Variants in KLHL29 observed in about 807,000 individuals in gnomAD.
KLHL29 encodes the protein kelch like family member 29.
Under a neutral mutation model 80.4 loss-of-function variants are expected in KLHL29, and 21 were observed. That is an observed-to-expected ratio of 0.26 (90% CI 0.19 to 0.38). The LOEUF is 0.38. KLHL29 is among the 10% of genes least tolerant of loss of function. The probability of loss-of-function intolerance (pLI) is 1.00; values close to 1 mark genes in which losing one functional copy is unlikely to be tolerated. For synonymous variants in KLHL29, 511 were observed against 526.8 expected, an observed-to-expected ratio of 0.97 and a Z score of 0.41; for missense variants, 867 against 1,223.9, an observed-to-expected ratio of 0.71 and a Z score of 4.35.
chr2:23,697,389 G>T (rs1205073084), intron 11 of KLHL29: 1 of 152,244 alleles, frequency 6.6e-6, no homozygotes. Flanking sequence ...GTGCCTGGAG[G>T]GTAACCCGTC....
chr2:23,679,393 G>A (rs1478548416), intron 5 of KLHL29, among the ~76,000 whole-genome samples: 1 of 152,188 alleles, frequency 6.6e-6, no homozygotes, highest in Non-Finnish European at 1.5e-5. Flanking sequence ...GGCTAGCCCA[G>A]GCTTGTTCCT....
chr2:23,549,749 C>T (rs778466846), intron 2 of KLHL29, among the ~76,000 whole-genome samples: 6 of 152,146 alleles, frequency 3.9e-5, no homozygotes, highest in Non-Finnish European at 7.3e-5. Flanking sequence ...ACCTCTAGTT[C>T]CCAAAGCCAA....
intron 3 of KLHL29, among the ~76,000 whole-genome samples, chr2:23,571,212 T>G (rs1312630557): frequency 6.6e-6 from 1 of 152,204 alleles, no homozygotes; most frequent in African/African-American, 2.4e-5. Flanking sequence ...AAAGTATCCC[T>G]ACTTCAGGTT....
intron 1 of KLHL29, among the ~76,000 whole-genome samples, chr2:23,461,720 T>TGG (rs951101183): frequency 4.7e-5 from 2 of 42,910 alleles, no homozygotes; most frequent in Non-Finnish European, 9.5e-5. Context: ...TTATCTTTGC[T>TGG]GGGGGGGCAG....
In KLHL29 at chr2:23,389,001, TTTTTTTTTA is replaced by T. The variant is rs1276363522; in HGVS notation, c.-154+3222_-154+3230del. On this transcript the variant is annotated intron_variant, in intron 1 of 13. Coordinates refer to ENST00000486442, the MANE Select transcript of KLHL29 (RefSeq NM_052920.2). ...TTTCTTTCTTCTTCTTTTTTTTTTT[TTTTTTTTTA>T]AAATCCCAGTACTGTTATGGCTTAG... 1.1e-3 allele frequency among the ~76,000 whole-genome samples: 123 copies of T among 107,038 alleles called. 1 individual carries two copies. Among genetic ancestry groups the T allele is most frequent in the Non-Finnish European group, 1.6e-3 (70 of 43,634 alleles). 70.2% of individuals were successfully genotyped at this position (107,038 alleles called of 152,430 possible). A position where few individuals can be genotyped will look rare whatever the true frequency, so the allele number is the denominator to read the frequency against.
intron 2 of KLHL29, among the ~76,000 whole-genome samples, chr2:23,525,726 G>GCCCCCCCCCCC (rs746729913): frequency 3.2e-5 from 2 of 62,586 alleles, no homozygotes; most frequent in Non-Finnish European, 5.7e-5. Flanking sequence ...CCCAGCCCCT[G>GCCCCCCCCCCC]CCCCCCCCCC....
chr2:23,613,790 A>AAAAAAAAAAT (rs1668933636), intron 3 of KLHL29, among the ~76,000 whole-genome samples: 1 of 146,586 alleles, frequency 6.8e-6, no homozygotes, highest in African/African-American at 2.5e-5. Flanking sequence ...AAAAAAAAAA[A>AAAAAAAAAAT]CCCACCACTC....
At chr2:23,561,737 C>T (rs1309261936) in intron 2 of KLHL29, among the ~76,000 whole-genome samples, 2 of 152,126 alleles carry the variant, frequency 1.3e-5, no homozygotes, top group African/African-American at 4.8e-5. Context: ...TGAGTCTGCA[C>T]ACGTGGGTGG....
chr2:23,666,426 A>C (rs555036482), intron 5 of KLHL29, among the ~76,000 whole-genome samples: 1 of 151,958 alleles, frequency 6.6e-6, no homozygotes, highest in Non-Finnish European at 1.5e-5. Context: ...GGAGGACACT[A>C]TAGTGTGCGG....
chr2:23,554,258 G>T (rs1435209187), intron 2 of KLHL29, among the ~76,000 whole-genome samples: 1 of 152,236 alleles, frequency 6.6e-6, no homozygotes, highest in African/African-American at 2.4e-5. Context: ...CAGAAGAAAG[G>T]CTAAAAGATG....
chr2:23,390,817 A>C (rs1666301758), intron 1 of KLHL29, among the ~76,000 whole-genome samples: 1 of 151,752 alleles, frequency 6.6e-6, no homozygotes, highest in African/African-American at 2.4e-5. Context: ...ACGCCCAGCA[A>C]ATTTTTTTGC....
chr2:23,607,520 T>C (rs569777436), intron 3 of KLHL29, among the ~76,000 whole-genome samples: 1 of 152,330 alleles, frequency 6.6e-6, no homozygotes, highest in Non-Finnish European at 1.5e-5. Context: ...AATCCAGTCA[T>C]ACCCTATCTT....
At chr2:23,572,657 A>G (rs557170686) in intron 3 of KLHL29, among the ~76,000 whole-genome samples, 1 of 151,284 alleles carries the variant, frequency 6.6e-6, no homozygotes, top group African/African-American at 2.4e-5. Context: ...CTTACCTACT[A>G]CCTGAGAGAA....
chr2:23,466,592 G>A (rs2103432001), intron 1 of KLHL29, among the ~76,000 whole-genome samples: 1 of 152,340 alleles, frequency 6.6e-6, no homozygotes, highest in South Asian at 2.1e-4. Flanking sequence ...GCCCGAGATG[G>A]AGAGGAGGGA....
At chr2:23,498,427 C>G (rs1440053101) in intron 2 of KLHL29, among the ~76,000 whole-genome samples, 1 of 152,192 alleles carries the variant, frequency 6.6e-6, no homozygotes, top group Admixed American at 6.5e-5. Context: ...AACAAACACC[C>G]GATCAGGCAG....
At chr2:23,524,098 T>G in intron 2 of KLHL29, 1 of 469,858 alleles carries the variant, frequency 2.1e-6, no homozygotes, top group South Asian at 1.6e-5. Context: ...CCATGACACC[T>G]CAGTGTCGTA....
chr2:23,616,681 T>C (rs1669014796), intron 3 of KLHL29: 1 of 152,204 alleles, frequency 6.6e-6, no homozygotes, highest in Non-Finnish European at 1.5e-5. Flanking sequence ...CCCCATGAAC[T>C]GTAAGAGAGA....
At chr2:23,532,517 GC>G in intron 2 of KLHL29, 1 of 454,840 alleles carries the variant, frequency 2.2e-6, no homozygotes, top group Admixed American at 2.4e-5. Flanking sequence ...GATGTGCATC[GC>G]CAAGGTTAGA....
chr2:23,653,597 G>A (rs952989005), intron 5 of KLHL29, among the ~76,000 whole-genome samples: 15 of 152,336 alleles, frequency 9.8e-5, no homozygotes, highest in African/African-American at 2.6e-4. Context: ...CATACATGAC[G>A]CACACAGGCA....
Sources: gnomAD v4.1 joint callset for allele counts (sites outside exome capture counted in the v4.1 genomes callset) on GRCh38, gnomAD v4.1.1 for gene constraint, MANE v1.5 for transcripts, NCBI Gene and HGNC (gene_info 2026-07-23, HGNC 2026-07-21) for gene names.